Variants in SNX7 observed in about 807,000 individuals in gnomAD.
SNX7 encodes the protein sorting nexin 7, also known as sorting nexin-7.
A neutral mutation model predicts 48.4 loss-of-function variants in SNX7; 35 were observed. The observed-to-expected ratio is 0.72, with a 90% CI of 0.55 to 0.96. SNX7 has a LOEUF of 0.96. Ranked by LOEUF, SNX7 falls within the 40% of genes least tolerant of loss-of-function variation. The pLI is 0.00. For missense variants in SNX7, 553 were observed against 548.9 expected (o/e 1.01, Z -0.07); for synonymous variants, 190 against 190.2 (o/e 1.00, Z 0.01).
intron 8 of SNX7, among the ~76,000 whole-genome samples, chr1:98,753,815 G>A (rs2101057713): frequency 1.3e-5 from 2 of 152,084 alleles, no homozygotes; most frequent in African/African-American, 4.8e-5. Context: ...ATAGTTTTCT[G>A]TTTTATAAAC....
chr1:98,725,515 GGTTGA>G, intron 7 of SNX7, among the ~76,000 whole-genome samples: 1 of 152,174 alleles, frequency 6.6e-6, no homozygotes, highest in African/African-American at 2.4e-5. Context: ...AACAGTTGTT[GGTTGA>G]GTTAATATAC....
At chr1:98,697,299 A>C (rs1329465583) in intron 5 of SNX7, among the ~76,000 whole-genome samples, 1 of 151,904 alleles carries the variant, frequency 6.6e-6, no homozygotes, top group Non-Finnish European at 1.5e-5. Flanking sequence ...TAAATTTCAT[A>C]TTTTTAAACT....
intron 1 of SNX7, among the ~76,000 whole-genome samples, chr1:98,668,848 G>T (rs950278535): frequency 6.6e-6 from 1 of 152,168 alleles, no homozygotes; most frequent in Non-Finnish European, 1.5e-5. Context: ...TTTCCAAAAT[G>T]AAAGGGATTG....
At chr1:98,699,972 C>T (rs575826698) in intron 6 of SNX7, among the ~76,000 whole-genome samples, 1 of 152,298 alleles carries the variant, frequency 6.6e-6, no homozygotes, top group East Asian at 1.9e-4. Context: ...GGTTTCACTT[C>T]ATTATTGGGG....
intron 7 of SNX7, among the ~76,000 whole-genome samples, chr1:98,708,355 C>G (rs540190800): frequency 6.6e-6 from 1 of 152,244 alleles, no homozygotes; most frequent in Non-Finnish European, 1.5e-5. Flanking sequence ...CTGACATTTC[C>G]TCAAAACTTG....
In SNX7 at chr1:98,677,803, G is replaced by A. The variant is rs535468197; in HGVS notation, c.181-7082G>A. On this transcript the variant is annotated intron_variant, in intron 1 of 8. Transcript: ENST00000306121. ...TGACGCAGGAGAATTGCTTGAACCCGGGAGGTGGAGGTTGCAGTGAGCCCA... is the reference window on the plus strand; with the variant it reads ...TGACGCAGGAGAATTGCTTGAACCCAGGAGGTGGAGGTTGCAGTGAGCCCA... Among the ~76,000 whole-genome samples the A allele has an allele frequency of 4.6e-5, 7 of 151,678 alleles. No individual in the cohort carries two copies. The South Asian group carries it at 1.5e-3, about 32-fold the overall frequency.
intron 7 of SNX7, among the ~76,000 whole-genome samples, chr1:98,728,798 G>A (rs4320796): frequency 0.55 from 84,039 of 152,010 alleles, 24,260 homozygotes; most frequent in Non-Finnish European, 0.64. Flanking sequence ...CATAAAACAA[G>A]ATCTTAGAGA....
intron 5 of SNX7, among the ~76,000 whole-genome samples, chr1:98,697,277 C>A (rs1651508171): frequency 6.6e-6 from 1 of 151,990 alleles, no homozygotes; most frequent in Non-Finnish European, 1.5e-5. Flanking sequence ...CAACTAGTAT[C>A]TCCATTGTTT....
chr1:98,699,008 T>G, intron 6 of SNX7, 103 bp downstream of exon 6: 2 of 1,090,546 alleles, frequency 1.8e-6, no homozygotes, highest in Non-Finnish European at 1.3e-6. Flanking sequence ...CTTTTTGTCC[T>G]AGCAGGTTGT....
chr1:98,680,216 G>A (rs1650404170), intron 1 of SNX7, among the ~76,000 whole-genome samples: 1 of 152,198 alleles, frequency 6.6e-6, no homozygotes, highest in Admixed American at 6.5e-5. Flanking sequence ...CATGACCTGA[G>A]CTCTATGTTG....
chr1:98,739,341 C>T (rs1280877623), intron 8 of SNX7, among the ~76,000 whole-genome samples: 4 of 152,072 alleles, frequency 2.6e-5, no homozygotes, highest in African/African-American at 7.2e-5. Context: ...GGTTGAGGAC[C>T]CCTGTAATTT....
intron 1 of SNX7, among the ~76,000 whole-genome samples, chr1:98,674,984 A>T (rs1452516051): frequency 2.0e-5 from 3 of 152,192 alleles, no homozygotes; most frequent in Non-Finnish European, 4.4e-5. Flanking sequence ...GATAATTTTT[A>T]TTATGCTATA....
chr1:98,758,198 T>C (rs1449182609), intron 8 of SNX7, among the ~76,000 whole-genome samples: 1 of 152,052 alleles, frequency 6.6e-6, no homozygotes, highest in African/African-American at 2.4e-5. Context: ...GTTTGGACAA[T>C]TATAAATTAC....
chr1:98,748,637 AACACACAC>A lies in SNX7; in HGVS notation c.1278+10277_1278+10284del, dbSNP rs58973289. ...GTATAGAAAAGGAAGAAATGATTTA[AACACACAC>A]ACACACACACACACACACACACACA... On this transcript the variant is annotated intron_variant, in intron 8 of 8. Transcript: ENST00000306121. Among the ~76,000 whole-genome samples the A allele has an allele frequency of 1.4e-4, 20 of 145,896 alleles. No individual in the cohort carries two copies. The South Asian group carries it at 2.9e-3, about 21-fold the overall frequency.
chr1:98,667,758 C>T (rs1243137422), intron 1 of SNX7, among the ~76,000 whole-genome samples: 2 of 152,046 alleles, frequency 1.3e-5, no homozygotes, highest in Admixed American at 1.3e-4. Context: ...TTGCCTAAGG[C>T]AAGTAACTTA....
At chr1:98,679,857 C>A (rs963026554) in intron 1 of SNX7, among the ~76,000 whole-genome samples, 1 of 152,180 alleles carries the variant, frequency 6.6e-6, no homozygotes, top group Non-Finnish European at 1.5e-5. Flanking sequence ...GCTGGCATTG[C>A]GTGTCTGTCT....
At chr1:98,675,717 A>G (rs1235687314) in intron 1 of SNX7, among the ~76,000 whole-genome samples, 1 of 152,196 alleles carries the variant, frequency 6.6e-6, no homozygotes, top group Non-Finnish European at 1.5e-5. Context: ...CTATTTATAT[A>G]CAGTGGTTTT....
chr1:98,663,762 G>A (rs1433865371), intron 1 of SNX7, among the ~76,000 whole-genome samples: 1 of 152,000 alleles, frequency 6.6e-6, no homozygotes, highest in Non-Finnish European at 1.5e-5. Context: ...CTTTTAAAAG[G>A]GGACCTTCCA....
intron 7 of SNX7, among the ~76,000 whole-genome samples, chr1:98,734,503 C>T (rs1315568949): frequency 6.6e-6 from 1 of 152,106 alleles, no homozygotes; most frequent in East Asian, 1.9e-4. Context: ...TAATCTCTGC[C>T]TCTTCTTTCT....
Sources: gnomAD v4.1 joint callset for allele counts (sites outside exome capture counted in the v4.1 genomes callset) on GRCh38, gnomAD v4.1.1 for gene constraint, MANE v1.5 for transcripts, NCBI Gene and HGNC (gene_info 2026-07-23, HGNC 2026-07-21) for gene names.